RHOBTB1: variants seen among roughly 807,000 people sequenced by gnomAD.
RHOBTB1 encodes the protein rho-related BTB domain-containing protein 1.
A neutral mutation model predicts 71.6 loss-of-function variants in RHOBTB1; 40 were observed. The observed-to-expected ratio is 0.56, with a 90% confidence interval of 0.43 to 0.73. The LOEUF (loss-of-function observed/expected upper bound fraction) is 0.73, where lower values mean the gene tolerates loss of function less well. RHOBTB1 is among the 30% of genes least tolerant of loss of function. The pLI is 0.00. For synonymous variants in RHOBTB1, 319 were observed against 334.9 expected (o/e 0.95, Z 0.52); for missense variants, 797 against 894.0 (o/e 0.89, Z 1.38).
At chr10:60,942,263 A>G (rs544985879) in intron 1 of RHOBTB1, among the ~76,000 whole-genome samples, 1 of 152,246 alleles carries the variant, frequency 6.6e-6, no homozygotes, top group South Asian at 2.1e-4. Context: ...AGACCAAACA[A>G]TTTTGGCTTT....
chr10:60,871,709 C>G lies in RHOBTB1; in HGVS notation c.1922-58G>C, dbSNP rs538429761. The G allele has an allele frequency of 1.7e-5, 26 of 1,513,810 alleles. No homozygotes were observed. In the South Asian group the frequency reaches 1.8e-4, roughly 10 times the overall value. The allele number at this position is 1,513,810 out of a possible 1,614,324, so 93.8% of individuals were successfully genotyped here. A position where few individuals can be genotyped will look rare whatever the true frequency, so the allele number is the denominator to read the frequency against. On this transcript the variant is annotated intron_variant, in intron 10 of 10. Transcript: ENST00000337910. ...GCGGTTCATTGATGCCTTTTATGTGCTAGGCCTTGAGCTTAAAGCTTCTCA... is the reference window on the plus strand; with the variant it reads ...GCGGTTCATTGATGCCTTTTATGTGGTAGGCCTTGAGCTTAAAGCTTCTCA...
rs72811901 is a variant in RHOBTB1, at chr10:60,951,134, C to T, written c.-61-9280G>A. Among the ~76,000 whole-genome samples, 1,500 of 152,306 alleles carry T rather than the reference C, an allele frequency of 9.8e-3. 11 individuals carry two copies. Among genetic ancestry groups the T allele is most frequent in the Admixed American group, 0.015 (222 of 15,304 alleles). ...AATATACATGTCATTTAATCTAACC[C>T]TGATCTTCTGACTATGTGGATGCAA... On this transcript the variant is annotated intron_variant, in intron 2 of 11. Coordinates refer to the RHOBTB1 transcript ENST00000357917.
intron 2 of RHOBTB1, among the ~76,000 whole-genome samples, chr10:60,920,784 A>G (rs1174353010): frequency 6.6e-6 from 1 of 151,936 alleles, no homozygotes; most frequent in Non-Finnish European, 1.5e-5. Context: ...CCTCTTGAGT[A>G]GCTGGGACTA....
intron 9 of RHOBTB1, among the ~76,000 whole-genome samples, chr10:60,872,841 T>C (rs1012224188): frequency 6.6e-6 from 1 of 152,096 alleles, no homozygotes; most frequent in African/African-American, 2.4e-5. Context: ...TTCTAAGCAA[T>C]GCTCAGGAAG....
At chr10:60,871,915 AC>A (rs1245074985) in intron 10 of RHOBTB1, 1 of 603,904 alleles carries the variant, frequency 1.7e-6, no homozygotes, top group Non-Finnish European at 2.9e-6. Context: ...GTCTCCCTAA[AC>A]AAGGGGAAGG....
At chr10:60,989,683 G>C (rs764086469) in intron 1 of RHOBTB1, among the ~76,000 whole-genome samples, 4 of 152,168 alleles carry the variant, frequency 2.6e-5, no homozygotes, top group Admixed American at 6.5e-5. Flanking sequence ...CTCTGGGTAG[G>C]TTTCCAACTT....
At chr10:60,936,697 C>T (rs1417961425) in intron 2 of RHOBTB1, among the ~76,000 whole-genome samples, 1 of 152,234 alleles carries the variant, frequency 6.6e-6, no homozygotes, top group Non-Finnish European at 1.5e-5. Context: ...AATGCATAAT[C>T]TCAGGCCCCA....
At chr10:60,906,763 T>G (rs1271695896) in intron 4 of RHOBTB1, among the ~76,000 whole-genome samples, 1 of 152,142 alleles carries the variant, frequency 6.6e-6, no homozygotes, top group African/African-American at 2.4e-5. Context: ...CTGAAGGTTC[T>G]CTGACCTGCA....
chr10:60,944,953 G>T (rs1157060924), upstream of RHOBTB1, among the ~76,000 whole-genome samples: 1 of 152,194 alleles, frequency 6.6e-6, no homozygotes, highest in African/African-American at 2.4e-5. Context: ...AATTGACTGT[G>T]GCCTCCATGG....
At chr10:60,946,019 A>C (rs1414659328), upstream of RHOBTB1, among the ~76,000 whole-genome samples, 1 of 152,228 alleles carries the variant, frequency 6.6e-6, no homozygotes, top group Non-Finnish European at 1.5e-5. Flanking sequence ...CTCTATTAAA[A>C]ATACAAAAAT....
chr10:60,892,129 T>C (rs142465294), intron 5 of RHOBTB1, among the ~76,000 whole-genome samples: 66 of 152,296 alleles, frequency 4.3e-4, no homozygotes, highest in African/African-American at 1.5e-3. Context: ...CTCAATTATC[T>C]CTTTATTAGC....
At chr10:60,863,093 G>C in the RHOBTB1 span, among the ~76,000 whole-genome samples, 2 of 152,232 alleles carry the variant, frequency 1.3e-5, no homozygotes, top group East Asian at 1.9e-4. Flanking sequence ...TGATGGGGGT[G>C]GTGGAGAACT....
At chr10:60,911,107 C>T in intron 3 of RHOBTB1, 117 bp from the exon 4 acceptor site, 1 of 835,704 alleles carries the variant, frequency 1.2e-6, no homozygotes, top group Non-Finnish European at 1.9e-6. Flanking sequence ...TTTCCTTATT[C>T]TATCTGACGG....
At chr10:60,886,083 C>T (rs1011384030) in intron 7 of RHOBTB1, 29 bp downstream of exon 7, 5 of 1,497,202 alleles carry the variant, frequency 3.3e-6, no homozygotes, top group Middle Eastern at 1.7e-4. Context: ...TTCATAAAGA[C>T]ACCACTATGC....
intron 2 of RHOBTB1, among the ~76,000 whole-genome samples, chr10:60,984,963 C>T (rs760168385): frequency 2.0e-5 from 3 of 152,148 alleles, no homozygotes; most frequent in Non-Finnish European, 4.4e-5. Context: ...TCCTTAAGGA[C>T]TTCTACTTTA....
At chr10:60,947,458 A>T (rs1387507456), upstream of RHOBTB1, among the ~76,000 whole-genome samples, 2 of 152,204 alleles carry the variant, frequency 1.3e-5, no homozygotes, top group South Asian at 2.1e-4. Flanking sequence ...GAATCCTCTC[A>T]TACTACCTCT....
rs549068330 is a variant in RHOBTB1 at position 60,998,384 on chromosome 10, C to G, written c.-163+3015G>C. On this transcript the variant is annotated intron_variant, in intron 1 of 11. Transcript: ENST00000357917. ...TACAGTAATGAAAAAAGTCAGAAAA[C>G]AGAGTTCTGGCCTATGCAGCCTACA... is the stretch of plus-strand genomic sequence containing the variant. Among the ~76,000 whole-genome samples the G allele has an allele frequency of 2.0e-5, 3 of 152,276 alleles. No homozygotes were observed. In the South Asian group the frequency reaches 6.2e-4, roughly 32 times the overall value.
In RHOBTB1 at chr10:60,883,445, G is replaced by A. The variant is rs117740160; in HGVS notation, c.1575+2667C>T. 7.8e-3 allele frequency among the ~76,000 whole-genome samples: 1,194 copies of A among 152,306 alleles called. 6 individuals carry two copies. The highest frequency in any genetic ancestry group is 0.041 in the East Asian group (210 of 5,184). ...GAAGGGATAAAGGAGATTAGCATTC[G>A]TGAGGTCAGCTCTGACAGTGTCCCT... On this transcript the variant is annotated intron_variant, in intron 7 of 10. Transcript: ENST00000337910.
At chr10:60,970,508 C>T (rs1023270970) in intron 2 of RHOBTB1, among the ~76,000 whole-genome samples, 3 of 152,074 alleles carry the variant, frequency 2.0e-5, no homozygotes, top group Non-Finnish European at 2.9e-5. Context: ...TTTCATAGAT[C>T]TTGGTAATTG....
Sources: gnomAD v4.1 joint callset for allele counts (sites outside exome capture counted in the v4.1 genomes callset) on GRCh38, gnomAD v4.1.1 for gene constraint, MANE v1.5 for transcripts, NCBI Gene and HGNC (gene_info 2026-07-23, HGNC 2026-07-21) for gene names.